Variants in STOML3 observed in about 807,000 individuals in gnomAD.
STOML3 encodes the protein stomatin like 3, also known as stomatin-like protein 3.
STOML3 carries 31 observed loss-of-function variants against 29.5 expected under a neutral mutation model. That is an observed-to-expected ratio of 1.05 (90% confidence interval 0.79 to 1.42). The LOEUF is 1.42. STOML3 is among the 40% of genes most tolerant of loss of function. The pLI is 0.00. For synonymous variants in STOML3, 122 were observed against 139.8 expected (o/e 0.87, Z 0.90); for missense variants, 380 against 363.0 (o/e 1.05, Z -0.38).
intron 3 of STOML3, among the ~76,000 whole-genome samples, chr13:38,976,189 T>C (rs568189187): frequency 6.6e-6 from 1 of 152,328 alleles, no homozygotes; most frequent in Admixed American, 6.5e-5. Flanking sequence ...CTTAATAGTG[T>C]GCGTTGGCCA....
rs754833129 is a variant in STOML3, at chr13:38,972,996, C to T, written c.230-402G>A. The stretch of plus-strand genomic sequence containing the variant: ...TGTTAAGGCTGGGCGCGGTGGCTCA[C>T]GCCTGTAATCCCAGCACTCTGGGAG... On this transcript the variant is annotated intron_variant, in intron 3 of 6. Coordinates refer to ENST00000379631, the MANE Select transcript of STOML3 (RefSeq NM_145286.3). Among the ~76,000 whole-genome samples, 136 of 150,188 alleles carry T rather than the reference C, an allele frequency of 9.1e-4. No homozygotes were observed. The Middle Eastern group carries it at 0.014, about 15-fold the overall frequency.
rs903262432 is a variant in STOML3 at position 38,966,913 on chromosome 13, G to A, written c.788C>T (p.Thr263Met). ...LSTVATEKNS[T>M]IVFPLPMNIL... ...ATTCATGGGCAGAGGAAACACAATC[G>A]TAGAATTCTTCTCGGTGGCTACCGT... Residue 263 changes from threonine to methionine, a missense_variant, in exon 7 of 7, where the codon ACG becomes ATG. By Grantham distance (81) the Thr-to-Met change is moderately conservative. Coordinates refer to ENST00000379631, the MANE Select transcript of STOML3 (RefSeq NM_145286.3). 14 of 1,613,854 alleles carry A rather than the reference G, an allele frequency of 8.7e-6. No individual in the cohort carries two copies. The highest frequency in any genetic ancestry group is 2.2e-5 in the East Asian group (1 of 44,886).
In STOML3 at chr13:38,990,729, T is replaced by C; in HGVS notation, c.-8A>G. The stretch of plus-strand genomic sequence containing the variant: ...AGACACCCTAGAATCCATCTCATTC[T>C]TGAGAAGCTTTTATACTTGGCAATT... On this transcript the variant is annotated 5_prime_UTR_variant, in exon 1 of 7. Coordinates refer to ENST00000379631, the MANE Select transcript of STOML3 (RefSeq NM_145286.3). The C allele has an allele frequency of 6.2e-7, 1 of 1,613,828 alleles. No individual in the cohort carries two copies. Among genetic ancestry groups the C allele is most frequent in the Non-Finnish European group, 8.5e-7 (1 of 1,179,828 alleles).
intron 5 of STOML3, among the ~76,000 whole-genome samples, chr13:38,968,843 A>G (rs1321550576): frequency 6.6e-6 from 1 of 152,140 alleles, no homozygotes. Context: ...TCTAGATTTG[A>G]GAAAATATCC....
chr13:38,989,505 AT>A (rs1195597608), intron 1 of STOML3, among the ~76,000 whole-genome samples: 5 of 140,886 alleles, frequency 3.5e-5, no homozygotes, highest in African/African-American at 5.6e-5. Flanking sequence ...TCTTTATTCC[AT>A]TTTTTTTTCT....
chr13:38,985,097 G>T (rs147185801), intron 1 of STOML3, among the ~76,000 whole-genome samples: 1 of 151,906 alleles, frequency 6.6e-6, no homozygotes, highest in African/African-American at 2.4e-5. Context: ...CATACATTCC[G>T]CCTGACTGTA....
chr13:38,978,116 T>G (rs1593503412), intron 1 of STOML3, among the ~76,000 whole-genome samples: 1 of 151,812 alleles, frequency 6.6e-6, no homozygotes, highest in East Asian at 2.0e-4. Flanking sequence ...TTTAGAATTC[T>G]TTATAGTCAC....
chr13:38,967,938 T>C (rs1371318265), intron 6 of STOML3, among the ~76,000 whole-genome samples: 2 of 152,188 alleles, frequency 1.3e-5, no homozygotes, highest in African/African-American at 4.8e-5. Context: ...CCCCCTTTTA[T>C]TCCAGCAACG....
At chr13:38,984,337 G>A (rs954375253) in intron 1 of STOML3, among the ~76,000 whole-genome samples, 2 of 152,038 alleles carry the variant, frequency 1.3e-5, no homozygotes, top group African/African-American at 4.8e-5. Context: ...ATTTTCCTCA[G>A]CAGGCCTCAG....
intron 1 of STOML3, among the ~76,000 whole-genome samples, chr13:38,989,052 A>G (rs1244593021): frequency 6.8e-6 from 1 of 147,710 alleles, no homozygotes; most frequent in African/African-American, 2.5e-5. Flanking sequence ...ATATTGTATT[A>G]TATATATTTT....
At chr13:38,967,350 G>A (rs371254963) in intron 6 of STOML3, among the ~76,000 whole-genome samples, 94 of 152,268 alleles carry the variant, frequency 6.2e-4, no homozygotes, top group African/African-American at 2.2e-3. Context: ...AATAATGCCT[G>A]GAAGCACTTT....
At position 38,968,488 on chromosome 13, in the gene STOML3, C is replaced by A. The variant is rs140874205; in HGVS notation, c.563G>T (p.Arg188Leu). The A allele has an allele frequency of 6.2e-7, 1 of 1,614,128 alleles. No homozygotes were observed. The highest frequency in any genetic ancestry group is 2.2e-5 in the East Asian group (1 of 44,872). The change falls in exon 6 of 7, where the codon CGA becomes CTA. Residue 188 changes from arginine to leucine, a missense_variant. Arg to Leu is a moderately radical substitution (Grantham distance 102). Coordinates refer to ENST00000379631, the MANE Select transcript of STOML3 (RefSeq NM_145286.3). ...ATELWGIRVARVEIKDVRIPV... is the reference protein window; with the variant it reads ...ATELWGIRVALVEIKDVRIPV... ...AATCCGAACATCTTTGATTTCCACT[C>A]GGGCCACCCGGATCCCCCACAGTTC...
intron 1 of STOML3, among the ~76,000 whole-genome samples, chr13:38,984,433 A>G (rs372297669): frequency 1.7e-4 from 26 of 152,276 alleles, no homozygotes; most frequent in African/African-American, 6.0e-4. Context: ...TAATACAGTC[A>G]CATACCACGT....
At chr13:38,974,685 T>C (rs1881004767) in intron 3 of STOML3, among the ~76,000 whole-genome samples, 1 of 152,208 alleles carries the variant, frequency 6.6e-6, no homozygotes, top group Non-Finnish European at 1.5e-5. Flanking sequence ...CTTGTTTCCC[T>C]CTTGTCCTTA....
chr13:38,984,770 C>T (rs967728470), intron 1 of STOML3, among the ~76,000 whole-genome samples: 2 of 152,128 alleles, frequency 1.3e-5, no homozygotes, highest in Admixed American at 6.5e-5. Context: ...TGATTGTACA[C>T]CCTCTATCAT....
chr13:38,987,786 T>C (rs1244824237), intron 1 of STOML3, among the ~76,000 whole-genome samples: 1 of 113,164 alleles, frequency 8.8e-6, no homozygotes, highest in East Asian at 2.3e-4. Flanking sequence ...ATTGTGTATA[T>C]ATTATATATT....
intron 3 of STOML3, among the ~76,000 whole-genome samples, chr13:38,973,231 A>T (rs1445513941): frequency 6.6e-6 from 1 of 151,882 alleles, no homozygotes; most frequent in African/African-American, 2.4e-5. Context: ...GCAGTGAGCC[A>T]AGATCGTGCC....
At position 38,972,530 on chromosome 13, in the gene STOML3, G is replaced by T. The variant is rs750884037; in HGVS notation, c.294C>A (p.Cys98Ter). Residue 98 changes from cysteine to a stop codon, truncating the protein, a stop_gained, in exon 4 of 7, where the codon TGC (cysteine) becomes TGA (stop). Coordinates refer to ENST00000379631, the MANE Select transcript of STOML3 (RefSeq NM_145286.3). LOFTEE classifies it high-confidence loss of function. ...GTACTACCTCTTGTGGAGGAATGTT[G>T]CAAGTAACTGTTCGGAGGTCAACTT... ...FVKVDLRTVT[C>*]NIPPQEILTR... 5 of 1,613,958 alleles carry T rather than the reference G, an allele frequency of 3.1e-6. No individual in the cohort carries two copies. In the South Asian group the frequency reaches 5.5e-5, roughly 18 times the overall value.
chr13:38,974,835 G>T (rs1328630621), intron 3 of STOML3, among the ~76,000 whole-genome samples: 1 of 152,080 alleles, frequency 6.6e-6, no homozygotes, highest in African/African-American at 2.4e-5. Context: ...AGTTCTGTCT[G>T]TTCTGCTTCT....
Sources: gnomAD v4.1 joint callset for allele counts (sites outside exome capture counted in the v4.1 genomes callset) on GRCh38, gnomAD v4.1.1 for gene constraint, MANE v1.5 for transcripts, NCBI Gene and HGNC (gene_info 2026-07-23, HGNC 2026-07-21) for gene names.